The following BCL9 variants were observed in gnomAD, a reference collection of about 807,000 sequenced individuals.
BCL9 encodes the protein B-cell CLL/lymphoma 9 protein.
BCL9 carries 25 observed loss-of-function variants against 88.5 expected under a neutral mutation model. The observed-to-expected ratio is 0.28, with a 90% CI of 0.21 to 0.39. The LOEUF is 0.39. BCL9 is among the 10% of genes least tolerant of loss of function. The pLI is 1.00. For synonymous variants in BCL9, 711 were observed against 673.3 expected, an observed-to-expected ratio of 1.06 and a Z score of -0.87; for missense variants, 1,817 against 1,877.8, an observed-to-expected ratio of 0.97 and a Z score of 0.60.
rs1657574005 is a variant in BCL9 at position 147,604,795 on chromosome 1, TTGGCG to T, written c.-457_-453del. 6.6e-6 allele frequency: 1 copy of T among 152,208 alleles called. No homozygotes were observed. The highest frequency in any genetic ancestry group is 1.5e-5 in the Non-Finnish European group (1 of 68,042). The allele number at this position is 152,208 out of a possible 1,614,324, so 9.4% of individuals were successfully genotyped here. On this transcript the variant is annotated 5_prime_UTR_variant, in exon 2 of 10. The change creates a premature stop within an existing upstream ORF in the 5' untranslated region. Coordinates refer to ENST00000234739, the MANE Select transcript of BCL9 (RefSeq NM_004326.4). ...TGTATAGGACTGAATGTGGGCCCAG[TTGGCG>T]TCATTCTGCTTTGACCTAAACATTC...
intron 3 of BCL9, among the ~76,000 whole-genome samples, chr1:147,611,092 A>C (rs1348524536): frequency 2.6e-5 from 4 of 152,102 alleles, no homozygotes; most frequent in African/African-American, 9.7e-5. Flanking sequence ...GAGTGTAAAC[A>C]TAGATTAATT....
intron 1 of BCL9, among the ~76,000 whole-genome samples, chr1:147,572,872 A>G (rs139117396): frequency 0.015 from 2,219 of 152,344 alleles, 28 homozygotes; most frequent in Middle Eastern, 0.031. Context: ...GAGCCGCTAC[A>G]CATGGCCACA....
chr1:147,602,448 G>A (rs1557847618), intron 1 of BCL9, among the ~76,000 whole-genome samples: 1 of 152,042 alleles, frequency 6.6e-6, no homozygotes, highest in African/African-American at 2.4e-5. Context: ...CTGACCTCGT[G>A]ATCCGCCTGC....
At chr1:147,621,104 G>T in intron 8 of BCL9, 47 bp downstream of exon 8, 1 of 1,524,016 alleles carries the variant, frequency 6.6e-7, no homozygotes. Context: ...GCTGGAGACT[G>T]CTAGACCTGA....
At chr1:147,567,769 G>C (rs1033107793) in intron 1 of BCL9, among the ~76,000 whole-genome samples, 1 of 152,098 alleles carries the variant, frequency 6.6e-6, no homozygotes, top group Non-Finnish European at 1.5e-5. Flanking sequence ...TTAGGAGCCT[G>C]CCCCTTCCCC....
chr1:147,616,497 G>A lies in BCL9; in HGVS notation c.660+595G>A, dbSNP rs889271073. Among the ~76,000 whole-genome samples the A allele has an allele frequency of 5.3e-5, 8 of 152,124 alleles. No individual in the cohort carries two copies. In the East Asian group the frequency reaches 1.2e-3, roughly 22 times the overall value. On this transcript the variant is annotated intron_variant, in intron 7 of 9. Transcript: ENST00000234739. ...AAAAAGCATACAGTGGCCGGGCGTG[G>A]TGGCTCATGCCTGTAATCCCAGCAC...
At chr1:147,581,378 A>G (rs1252750836) in intron 1 of BCL9, among the ~76,000 whole-genome samples, 1 of 152,240 alleles carries the variant, frequency 6.6e-6, no homozygotes, top group African/African-American at 2.4e-5. Context: ...GTTTTCTTAA[A>G]TTCCTCATCC....
chr1:147,543,877 G>A (rs147982861), intron 1 of BCL9, among the ~76,000 whole-genome samples: 13 of 152,140 alleles, frequency 8.5e-5, no homozygotes, highest in African/African-American at 3.1e-4. Flanking sequence ...CCAGCACTTG[G>A]CCAACCAAAG....
At chr1:147,617,589 A>G (rs782231677) in intron 7 of BCL9, among the ~76,000 whole-genome samples, 2 of 152,226 alleles carry the variant, frequency 1.3e-5, no homozygotes, top group Non-Finnish European at 1.5e-5. Context: ...CAACATTTAT[A>G]TATATATTCA....
intron 1 of BCL9, among the ~76,000 whole-genome samples, chr1:147,566,483 C>T (rs373073796): frequency 1.3e-5 from 2 of 152,142 alleles, no homozygotes; most frequent in African/African-American, 4.8e-5. Flanking sequence ...TGGCCAGGCG[C>T]GGTGGCTCAC....
chr1:147,583,682 G>T (rs1202062106), intron 1 of BCL9, among the ~76,000 whole-genome samples: 1 of 151,896 alleles, frequency 6.6e-6, no homozygotes, highest in African/African-American at 2.4e-5. Flanking sequence ...GCCAGGCAAG[G>T]TGGCTCACAC....
At chr1:147,605,011 C>T (rs184471821) in intron 2 of BCL9, 100 bp downstream of exon 2, 27 of 152,226 alleles carry the variant, frequency 1.8e-4, no homozygotes, top group African/African-American at 6.0e-4. Flanking sequence ...GTTAAAACTA[C>T]GTTTATTCAT....
At chr1:147,555,164 T>C (rs1553195284) in intron 1 of BCL9, among the ~76,000 whole-genome samples, 2 of 152,112 alleles carry the variant, frequency 1.3e-5, no homozygotes, top group African/African-American at 4.8e-5. Context: ...CCCCGAGACA[T>C]AGAAGACTTG....
At chr1:147,611,483 T>G in intron 3 of BCL9, 95 bp from the exon 4 acceptor site, 1 of 305,158 alleles carries the variant, frequency 3.3e-6, no homozygotes, top group Non-Finnish European at 6.2e-6. Flanking sequence ...GCTGCTTCGC[T>G]GAGTTGGCTA....
At position 147,619,285 on chromosome 1, in the gene BCL9, A is replaced by G. The variant is rs1465901650; in HGVS notation, c.1130A>G (p.Glu377Gly). ...RDIQRMLFPD[E>G]KEFTGAQSGG... ...ATCCAGCGCATGCTTTTTCCTGATG[A>G]GAAAGAATTCACAGGAGCACAAAGT... The change falls in exon 8 of 10, where the codon GAG becomes GGG. Residue 377 changes from glutamate to glycine, a missense_variant. Coordinates refer to ENST00000234739, the MANE Select transcript of BCL9 (RefSeq NM_004326.4). This position sits in a 1 kb window ranked among gnomAD's most constrained non-coding sequence, Gnocchi z 4.1. The G allele has an allele frequency of 3.7e-6, 6 of 1,614,130 alleles. No homozygotes were observed. In the East Asian group the frequency reaches 1.1e-4, roughly 30 times the overall value.
At chr1:147,545,603 TAG>T (rs1654533163) in intron 1 of BCL9, among the ~76,000 whole-genome samples, 1 of 152,244 alleles carries the variant, frequency 6.6e-6, no homozygotes, top group African/African-American at 2.4e-5. Flanking sequence ...ATAAAAATTC[TAG>T]AGTCTCTAGT....
chr1:147,578,497 T>C (rs1656209324), intron 1 of BCL9, among the ~76,000 whole-genome samples: 1 of 152,190 alleles, frequency 6.6e-6, no homozygotes, highest in Non-Finnish European at 1.5e-5. Flanking sequence ...ACCTCCAAGA[T>C]ATCTCATCAG....
chr1:147,599,060 C>T (rs984016523), intron 1 of BCL9, among the ~76,000 whole-genome samples: 5 of 152,376 alleles, frequency 3.3e-5, no homozygotes, highest in Middle Eastern at 3.4e-3. Flanking sequence ...ATTAGGGGAG[C>T]TAGCCCGGCT....
Position 147,620,798 on chromosome 1 carries a change from G to T in BCL9, c.2643G>T (p.Gly881=). The T allele has an allele frequency of 6.2e-7, 1 of 1,614,152 alleles. No individual in the cohort carries two copies. The highest frequency in any genetic ancestry group is 8.5e-7 in the Non-Finnish European group (1 of 1,180,038). The change falls in exon 8 of 10, where the codon GGG becomes GGT. Residue 881 remains glycine, a synonymous_variant. Transcript: ENST00000234739. ...CACCAATGCTGGGCTCGCCCTCGGG[G>T]AACCTCAAGTCCCCCCAGACTCCAT... ...VQSPMLGSPS[G]NLKSPQTPSQ... is the part of the protein sequence containing the mutation.
Sources: allele counts gnomAD v4.1 joint callset (sites outside exome capture counted in the v4.1 genomes callset), GRCh38; gene constraint gnomAD v4.1.1; non-coding constraint Gnocchi (gnomAD v3.1); transcripts MANE v1.5; gene names NCBI Gene and HGNC (gene_info 2026-07-23, HGNC 2026-07-21).